The following PRELID2 variants were observed in gnomAD, a reference collection of about 807,000 sequenced individuals.
The protein encoded by PRELID2 is PRELI domain-containing protein 2.
PRELID2 carries 25 observed loss-of-function variants against 28.4 expected under a neutral mutation model. That is an observed-to-expected ratio of 0.88 (90% CI 0.64 to 1.23). The LOEUF (loss-of-function observed/expected upper bound fraction) is 1.23, where lower values mean the gene tolerates loss of function less well. PRELID2 is among the 50% of genes most tolerant of loss of function. The probability of loss-of-function intolerance (pLI) is 0.00; values close to 1 mark genes in which losing one functional copy is unlikely to be tolerated. For synonymous variants in PRELID2, 76 were observed against 71.6 expected, an observed-to-expected ratio of 1.06 and a Z score of -0.31; for missense variants, 201 against 214.4, an observed-to-expected ratio of 0.94 and a Z score of 0.39.
intron 1 of PRELID2, among the ~76,000 whole-genome samples, chr5:145,557,431 C>T (rs1752889389): frequency 6.6e-6 from 1 of 152,104 alleles, no homozygotes; most frequent in Non-Finnish European, 1.5e-5. Flanking sequence ...GATGACAATC[C>T]ACATGACAGG....
At chr5:145,803,162 G>C (rs994522238) in intron 4 of PRELID2, among the ~76,000 whole-genome samples, 1 of 152,052 alleles carries the variant, frequency 6.6e-6, no homozygotes, top group African/African-American at 2.4e-5. Flanking sequence ...AAGGAAACAC[G>C]GGGTCTTCAA....
At chr5:145,594,589 T>C (rs1362808110) in intron 1 of PRELID2, among the ~76,000 whole-genome samples, 1 of 152,126 alleles carries the variant, frequency 6.6e-6, no homozygotes. Context: ...AAACCAAAAA[T>C]TGGAAATGAC....
chr5:145,268,571 C>T, the PRELID2 span, among the ~76,000 whole-genome samples: 3 of 152,078 alleles, frequency 2.0e-5, no homozygotes, highest in Admixed American at 6.6e-5. Context: ...CCTTGAATTT[C>T]TTCTTTCTTG....
intron 1 of PRELID2, chr5:145,728,713 C>G: frequency 6.4e-7 from 1 of 1,561,496 alleles, no homozygotes; most frequent in South Asian, 1.1e-5. Flanking sequence ...CCAAATATAG[C>G]CCAGAACAGT....
At chr5:145,328,305 T>G in the PRELID2 span, among the ~76,000 whole-genome samples, 1 of 152,212 alleles carries the variant, frequency 6.6e-6, no homozygotes. Context: ...TACCCAATAA[T>G]GGGATTGCTG....
intron 1 of PRELID2, among the ~76,000 whole-genome samples, chr5:145,527,227 T>A (rs114068932): frequency 0.016 from 2,376 of 152,280 alleles, 35 homozygotes; most frequent in African/African-American, 0.035. Flanking sequence ...CCACACATGA[T>A]AAAATCATAT....
At chr5:145,602,247 GCCCAAGAC>G (rs1753408502) in intron 1 of PRELID2, among the ~76,000 whole-genome samples, 1 of 152,134 alleles carries the variant, frequency 6.6e-6, no homozygotes, top group Non-Finnish European at 1.5e-5. Flanking sequence ...AAAAGTCCAA[GCCCAAGAC>G]AGATAGCACA....
At chr5:145,797,404 G>C (rs1469952580) in intron 4 of PRELID2, among the ~76,000 whole-genome samples, 1 of 152,060 alleles carries the variant, frequency 6.6e-6, no homozygotes, top group East Asian at 1.9e-4. Context: ...ACGCAATCAA[G>C]AAAAAACTCC....
chr5:145,788,960 A>T (rs565340007), intron 5 of PRELID2, among the ~76,000 whole-genome samples: 2 of 152,266 alleles, frequency 1.3e-5, no homozygotes, highest in South Asian at 4.1e-4. Context: ...GCAGTAAAAG[A>T]TCTCTACACT....
the PRELID2 span, among the ~76,000 whole-genome samples, chr5:145,262,674 A>T: frequency 6.6e-6 from 1 of 152,166 alleles, no homozygotes; most frequent in South Asian, 2.1e-4. Flanking sequence ...GCATTACAAG[A>T]ACTGCTAAAA....
intron 5 of PRELID2, among the ~76,000 whole-genome samples, chr5:145,771,678 A>T (rs1025183954): frequency 6.6e-6 from 1 of 152,056 alleles, no homozygotes; most frequent in African/African-American, 2.4e-5. Flanking sequence ...CAACATGGAG[A>T]AACGCCATCT....
chr5:145,357,872 G>A, the PRELID2 span, among the ~76,000 whole-genome samples: 7 of 151,276 alleles, frequency 4.6e-5, no homozygotes, highest in South Asian at 1.5e-3. Context: ...ATCTGTGCGT[G>A]CTGACATTCC....
intron 1 of PRELID2, among the ~76,000 whole-genome samples, chr5:145,557,627 G>T (rs1752891052): frequency 6.6e-6 from 1 of 152,214 alleles, no homozygotes; most frequent in African/African-American, 2.4e-5. Flanking sequence ...AGGAATAGTT[G>T]CAGGGGGAGT....
intron 1 of PRELID2, among the ~76,000 whole-genome samples, chr5:145,588,737 C>A (rs10042257): frequency 0.01 from 1,542 of 152,146 alleles, 25 homozygotes; most frequent in African/African-American, 0.035. Flanking sequence ...CGCCTGGATT[C>A]TCTCAAAAAT....
Position 145,598,846 on chromosome 5 carries a change from C to T in PRELID2, n.71-125531G>A, listed in dbSNP as rs77347264. Among the ~76,000 whole-genome samples, 917 of 152,180 alleles carry T rather than the reference C, an allele frequency of 6.0e-3. 12 individuals carry two copies. The highest frequency in any genetic ancestry group is 0.02 in the African/African-American group (847 of 41,534). On this transcript the variant is annotated intron_variant and non_coding_transcript_variant, in intron 1 of 2. Transcript: ENST00000510259. ...AACCAGGTGCAATAATAGAAAATAA[C>T]GGATCTTCTTCATAAGAATGGTAAG...
rs117764276 is a variant in PRELID2 at position 145,626,430 on chromosome 5, G to A, written n.70+138501C>T. ...CAACAAACATGAAAAAATACACAAC[G>A]TCGCTAATCACCAGAGAAATGTAAA... On this transcript the variant is annotated intron_variant and non_coding_transcript_variant, in intron 1 of 2. Transcript: ENST00000510259. Among the ~76,000 whole-genome samples, 61 of 152,146 alleles carry A rather than the reference G, an allele frequency of 4.0e-4. 1 individual carries two copies. In the East Asian group the frequency reaches 0.01, roughly 25 times the overall value.
chr5:145,359,951 C>T, the PRELID2 span, among the ~76,000 whole-genome samples: 99,832 of 152,032 alleles, frequency 0.66, 32,970 homozygotes, highest in East Asian at 0.89. Context: ...TTGGATTGAC[C>T]GTGAGGCATA....
Position 145,727,812 on chromosome 5 carries a change from AC to A in PRELID2, n.70+37118del, listed in dbSNP as rs549496585. Among the ~76,000 whole-genome samples the A allele has an allele frequency of 1.8e-4, 28 of 152,338 alleles. No individual in the cohort carries two copies. The East Asian group carries it at 5.4e-3, about 29-fold the overall frequency. On this transcript the variant is annotated intron_variant and non_coding_transcript_variant, in intron 1 of 2. Transcript: ENST00000510259. Reference sequence around the variant, plus strand: ...TCCTTCCCTGGCTTTAATTATCAAGACAGTTTGATTTTTATCAAAGGTTGAA... The same window carrying A: ...TCCTTCCCTGGCTTTAATTATCAAGAAGTTTGATTTTTATCAAAGGTTGAA...
chr5:145,629,405 C>G (rs533013400), intron 1 of PRELID2, among the ~76,000 whole-genome samples: 1 of 152,256 alleles, frequency 6.6e-6, no homozygotes, highest in African/African-American at 2.4e-5. Context: ...TACTTAATGA[C>G]AGATAAGGAG....
Sources: gnomAD v4.1 joint callset for allele counts (sites outside exome capture counted in the v4.1 genomes callset) on GRCh38, gnomAD v4.1.1 for gene constraint, MANE v1.5 for transcripts, NCBI Gene and HGNC (gene_info 2026-07-23, HGNC 2026-07-21) for gene names.